Variants in ACVR1C observed in about 807,000 individuals in gnomAD.
The protein encoded by ACVR1C is activin receptor type-1C.
Under a neutral mutation model 57.9 loss-of-function variants are expected in ACVR1C, and 23 were observed. The ratio of observed to expected loss-of-function variants is 0.40; its 90% CI spans 0.29 to 0.56. The LOEUF is 0.56. Among genes scored for constraint, ACVR1C ranks in the 20% least tolerant of loss-of-function variants. The probability of loss-of-function intolerance (pLI) is 0.50; values close to 1 mark genes in which losing one functional copy is unlikely to be tolerated. For synonymous variants in ACVR1C, 214 were observed against 215.3 expected (o/e 0.99, Z 0.05); for missense variants, 480 against 607.9 (o/e 0.79, Z 2.21).
chr2:157,564,425 T>G (rs1380055978), intron 2 of ACVR1C, among the ~76,000 whole-genome samples: 1 of 152,166 alleles, frequency 6.6e-6, no homozygotes, highest in East Asian at 1.9e-4. Context: ...CTCATGCCAG[T>G]CAGAATGGTG....
intron 3 of ACVR1C, among the ~76,000 whole-genome samples, chr2:157,551,635 T>C (rs1285189361): frequency 1.3e-5 from 2 of 152,202 alleles, no homozygotes; most frequent in South Asian, 2.1e-4. Flanking sequence ...ATTTTCCACA[T>C]TTTCTTAATT....
intron 4 of ACVR1C, among the ~76,000 whole-genome samples, chr2:157,548,784 C>T (rs1687833761): frequency 6.6e-6 from 1 of 152,146 alleles, no homozygotes; most frequent in Non-Finnish European, 1.5e-5. Context: ...AAATAACAAA[C>T]ACTACTTGGC....
chr2:157,596,956 G>T (rs1201124247), intron 1 of ACVR1C, among the ~76,000 whole-genome samples: 1 of 152,166 alleles, frequency 6.6e-6, no homozygotes, highest in Non-Finnish European at 1.5e-5. Flanking sequence ...TGTGAGCTGC[G>T]TTGGGACACA....
chr2:157,573,777 A>G (rs1237009979), intron 2 of ACVR1C, among the ~76,000 whole-genome samples: 1 of 152,218 alleles, frequency 6.6e-6, no homozygotes, highest in African/African-American at 2.4e-5. Context: ...CAGAGTCTAC[A>G]GAAATCAATT....
intron 3 of ACVR1C, among the ~76,000 whole-genome samples, chr2:157,552,933 A>G (rs1444704575): frequency 6.6e-6 from 1 of 152,192 alleles, no homozygotes. Flanking sequence ...CAATAATGTC[A>G]CCATCAGTCA....
At chr2:157,590,924 G>A (rs566070410) in intron 1 of ACVR1C, among the ~76,000 whole-genome samples, 78 of 151,900 alleles carry the variant, frequency 5.1e-4, no homozygotes, top group African/African-American at 1.7e-3. Flanking sequence ...ATGAAAGGCA[G>A]GACTAATAAT....
intron 3 of ACVR1C, among the ~76,000 whole-genome samples, chr2:157,555,100 G>GTTTTTTTTT (rs1688064916): frequency 7.8e-6 from 1 of 128,418 alleles, no homozygotes; most frequent in African/African-American, 3.3e-5. Flanking sequence ...TACTTTGAAC[G>GTTTTTTTTT]CTTTTTTTTT....
At chr2:157,618,924 A>G (rs1682707662) in intron 1 of ACVR1C, among the ~76,000 whole-genome samples, 1 of 151,894 alleles carries the variant, frequency 6.6e-6, no homozygotes, top group African/African-American at 2.4e-5. Context: ...AAACAAAAAA[A>G]GGGAATACAT....
intron 2 of ACVR1C, among the ~76,000 whole-genome samples, chr2:157,586,096 T>C (rs1688914657): frequency 6.6e-6 from 1 of 152,114 alleles, no homozygotes; most frequent in Non-Finnish European, 1.5e-5. Context: ...TCTCCTTTCC[T>C]GCTAATATGT....
chr2:157,627,959 A>T (rs1377997677), intron 1 of ACVR1C, among the ~76,000 whole-genome samples: 1 of 152,180 alleles, frequency 6.6e-6, no homozygotes, highest in Non-Finnish European at 1.5e-5. Flanking sequence ...GCTTGCCAGA[A>T]TTTTTTTCCC....
chr2:157,610,964 G>A (rs1682518963), intron 1 of ACVR1C, among the ~76,000 whole-genome samples: 1 of 151,934 alleles, frequency 6.6e-6, no homozygotes, highest in Non-Finnish European at 1.5e-5. Flanking sequence ...TCAAAGTTCT[G>A]TTGTATCCCA....
rs749957802 is a variant in ACVR1C at position 157,544,628 on chromosome 2, A to C, written c.776-16T>G. The C allele has an allele frequency of 1.2e-5, 19 of 1,592,324 alleles. No homozygotes were observed. In the Admixed American group the frequency reaches 3.3e-4, roughly 27 times the overall value. ...GTTCCATTATCTAACAAGAAAATGT[A>C]ATTTTGTTGTTGTAAATACATATTG... On this transcript the variant is annotated splice_polypyrimidine_tract_variant and intron_variant, in intron 4 of 8. Transcript: ENST00000243349.
At chr2:157,612,109 T>G (rs1372746402) in intron 1 of ACVR1C, among the ~76,000 whole-genome samples, 1 of 152,056 alleles carries the variant, frequency 6.6e-6, no homozygotes, top group Non-Finnish European at 1.5e-5. Context: ...CACACCAGAG[T>G]ACAGAGGCTG....
Position 157,587,280 on chromosome 2 carries a change from C to G in ACVR1C, c.211G>C (p.Ala71Pro). The change falls in exon 2 of 9, where the codon GCT becomes CCT. Residue 71 changes from alanine (A) to proline (P), a missense_variant. Coordinates refer to ENST00000243349, the MANE Select transcript of ACVR1C (RefSeq NM_145259.3). ...TTGGAACTATGACAGAAGACTTGAG[C>G]ATTCAGTTCTGGAAGGGAGACACAG... ...KSCVSLPELN[A>P]QVFCHSSNNV... The G allele has an allele frequency of 1.2e-6, 2 of 1,613,692 alleles. No individual in the cohort carries two copies. The highest frequency in any genetic ancestry group is 1.7e-6 in the Non-Finnish European group (2 of 1,179,674).
chr2:157,572,666 A>G (rs907454379), intron 2 of ACVR1C, among the ~76,000 whole-genome samples: 1 of 152,198 alleles, frequency 6.6e-6, no homozygotes, highest in Non-Finnish European at 1.5e-5. Flanking sequence ...TTACATCTCT[A>G]TGAACAAAAT....
At chr2:157,542,674 T>A in intron 6 of ACVR1C, 32 bp downstream of exon 6, 2 of 1,599,444 alleles carry the variant, frequency 1.3e-6, no homozygotes, top group East Asian at 4.5e-5. Context: ...CACTCTCACA[T>A]CTTACTATGC....
At chr2:157,544,337 G>A in intron 5 of ACVR1C, 108 bp downstream of exon 5, 2 of 1,143,958 alleles carry the variant, frequency 1.7e-6, no homozygotes, top group Non-Finnish European at 2.4e-6. Context: ...AAGCCACCGT[G>A]CCCAGCCTAA....
Position 157,601,745 on chromosome 2 carries a change from C to A in ACVR1C, c.74-14328G>T, listed in dbSNP as rs139586362. Among the ~76,000 whole-genome samples the A allele has an allele frequency of 3.1e-4, 47 of 152,260 alleles. 1 individual carries two copies. The highest frequency in any genetic ancestry group is 1.1e-3 in the African/African-American group (47 of 41,534). On this transcript the variant is annotated intron_variant, in intron 1 of 8. Transcript: ENST00000243349. ...GCGTATCTGTAGTTCTAATCCTGAG[C>A]CACCTCTAACCCTGCTGTGCAGCCT... is the stretch of plus-strand genomic sequence containing the variant.
At chr2:157,552,599 C>A (rs1045007397) in intron 3 of ACVR1C, among the ~76,000 whole-genome samples, 2 of 152,198 alleles carry the variant, frequency 1.3e-5, no homozygotes, top group Non-Finnish European at 2.9e-5. Flanking sequence ...TCACTACCAA[C>A]AACCAGCACT....
Sources: gnomAD v4.1 joint callset for allele counts (sites outside exome capture counted in the v4.1 genomes callset) on GRCh38, gnomAD v4.1.1 for gene constraint, MANE v1.5 for transcripts, NCBI Gene and HGNC (gene_info 2026-07-23, HGNC 2026-07-21) for gene names.